TEX14: variants seen among roughly 807,000 people sequenced by gnomAD.
The protein encoded by TEX14 is inactive serine/threonine-protein kinase TEX14.
Under a neutral mutation model 178.6 loss-of-function variants are expected in TEX14, and 168 were observed. The observed-to-expected ratio is 0.94, with a 90% CI of 0.83 to 1.07. The LOEUF (loss-of-function observed/expected upper bound fraction) is 1.07. TEX14 is among the 50% of genes least tolerant of loss of function. TEX14 has a pLI of 0.00. For missense variants in TEX14, 1,730 were observed against 1,753.6 expected, an observed-to-expected ratio of 0.99 and a Z score of 0.24; for synonymous variants, 626 against 634.1, an observed-to-expected ratio of 0.99 and a Z score of 0.19.
rs373911350 is a variant in TEX14, at chr17:58,637,296, G to A, written c.137-6742C>T. 9.8e-4 allele frequency among the ~76,000 whole-genome samples: 150 copies of A among 152,326 alleles called. 2 individuals are homozygous for A. In the South Asian group the frequency reaches 0.027, roughly 27 times the overall value. On this transcript the variant is annotated intron_variant, in intron 2 of 31. Coordinates refer to ENST00000349033, the MANE Select transcript of TEX14 (RefSeq NM_031272.5). ...CTTCATGCCTGTTCCCTGACGTAGAGCTTCTAAAACTCTTTGAACCTCTGG... is the reference window on the plus strand; with the variant it reads ...CTTCATGCCTGTTCCCTGACGTAGAACTTCTAAAACTCTTTGAACCTCTGG...
chr17:58,645,958 TATA>T (rs1182847988), intron 2 of TEX14, among the ~76,000 whole-genome samples: 2 of 152,228 alleles, frequency 1.3e-5, no homozygotes, highest in Non-Finnish European at 2.9e-5. Flanking sequence ...CTAGATTATT[TATA>T]ATATCTAGTA....
At chr17:58,661,238 T>C (rs1307683873) in intron 1 of TEX14, 3 of 794,436 alleles carry the variant, frequency 3.8e-6, no homozygotes, top group East Asian at 2.4e-5. Flanking sequence ...GGCCACACGA[T>C]AGTAATGGCA....
chr17:58,616,127 C>T lies in TEX14; in HGVS notation c.767+48G>A, dbSNP rs375092902. The T allele has an allele frequency of 2.5e-6, 4 of 1,577,790 alleles. No individual in the cohort carries two copies. The African/African-American group carries it at 4.1e-5, about 16-fold the overall frequency. ...ATAAGGAAGTCACATGCAGCCCACT[C>T]TTCCCCTGAAACTGAATCAGACCTC... On this transcript the variant is annotated intron_variant, in intron 7 of 31. Coordinates refer to ENST00000349033, the MANE Select transcript of TEX14 (RefSeq NM_031272.5).
At chr17:58,640,496 T>C (rs941286055) in intron 2 of TEX14, among the ~76,000 whole-genome samples, 2 of 152,038 alleles carry the variant, frequency 1.3e-5, no homozygotes, top group African/African-American at 4.8e-5. Context: ...CCAGAGCTTA[T>C]TATCTTAACC....
At chr17:58,667,092 G>A (rs2047226922) in intron 1 of TEX14, among the ~76,000 whole-genome samples, 2 of 152,190 alleles carry the variant, frequency 1.3e-5, no homozygotes, top group Admixed American at 1.3e-4. Flanking sequence ...AAGGCCTTCG[G>A]ATCTCCCTGT....
rs944895852 is a variant in TEX14, at chr17:58,557,294, G to A, written c.4320-247C>T. On this transcript the variant is annotated intron_variant, in intron 31 of 31. Coordinates refer to ENST00000349033, the MANE Select transcript of TEX14 (RefSeq NM_031272.5). ...CCTGTTCTTTTTTTTTTTTTGAGACGGAGTCTTGCTCTTATCCCCCAGGTG... is the reference window on the plus strand; with the variant it reads ...CCTGTTCTTTTTTTTTTTTTGAGACAGAGTCTTGCTCTTATCCCCCAGGTG... Among the ~76,000 whole-genome samples, 40 of 148,998 alleles carry A rather than the reference G, an allele frequency of 2.7e-4. 1 individual carries two copies. Among genetic ancestry groups the A allele is most frequent in the South Asian group, 6.4e-4 (3 of 4,722 alleles).
chr17:58,605,703 A>G lies in TEX14; in HGVS notation c.1185-574T>C, dbSNP rs1056515878. ...AGCTTCTGCCAGGCATGCTCTGCCC[A>G]CAGATCCTAGAATGACTAGCTACTT... On this transcript the variant is annotated intron_variant, in intron 10 of 31. Coordinates refer to ENST00000349033, the MANE Select transcript of TEX14 (RefSeq NM_031272.5). 3.9e-5 allele frequency among the ~76,000 whole-genome samples: 6 copies of G among 152,316 alleles called. No homozygotes were observed. In the South Asian group the frequency reaches 1.2e-3, roughly 32 times the overall value.
At chr17:58,596,520 G>A (rs928884511) in intron 14 of TEX14, among the ~76,000 whole-genome samples, 3 of 152,028 alleles carry the variant, frequency 2.0e-5, no homozygotes, top group African/African-American at 4.8e-5. Flanking sequence ...GGGCTCAAGC[G>A]ATTAACCTGC....
In TEX14 at chr17:58,559,452, C is replaced by A. The variant is rs752772371; in HGVS notation, c.4267+1G>T. On this transcript the variant is annotated splice_donor_variant, in intron 30 of 31. Transcript: ENST00000349033. LOFTEE classifies it high-confidence loss of function. ...CATTATAAACATACATTAATTCATA[C>A]CTTCTTCAGAAGTCCCTAGAACACC... 1 of 1,282,000 alleles carries A rather than the reference C, an allele frequency of 7.8e-7. No individual in the cohort carries two copies. Among genetic ancestry groups the A allele is most frequent in the East Asian group, 2.3e-5 (1 of 42,994 alleles). 79.4% of individuals were successfully genotyped at this position (1,282,000 alleles called of 1,614,324 possible). A position where few individuals can be genotyped will look rare whatever the true frequency, so the allele number is the denominator to read the frequency against.
At chr17:58,665,915 C>T (rs1598429967) in intron 1 of TEX14, among the ~76,000 whole-genome samples, 1 of 151,574 alleles carries the variant, frequency 6.6e-6, no homozygotes, top group Non-Finnish European at 1.5e-5. Context: ...CGCGTGGTGG[C>T]GGGTGCCTGT....
chr17:58,613,466 G>A lies in TEX14; in HGVS notation c.960C>T (p.Tyr320=), dbSNP rs56283455. 2.6e-4 allele frequency: 412 copies of A among 1,613,986 alleles called. No homozygotes were observed. The highest frequency in any genetic ancestry group is 8.3e-4 in the Admixed American group (50 of 60,002). ...SQDLEKTRLV[Y]ERITIGTLFS... ...ACAATGTGCCGATAGTGATGCGCTC[G>A]TACACAAGGCGGGTTTTCTCTAGGT... The change falls in exon 9 of 32, where the codon TAC becomes TAT. Residue 320 remains tyrosine, a synonymous_variant. Transcript: ENST00000349033.
intron 13 of TEX14, among the ~76,000 whole-genome samples, chr17:58,600,460 C>T (rs1257104556): frequency 6.6e-6 from 1 of 151,350 alleles, no homozygotes; most frequent in Middle Eastern, 3.2e-3. Flanking sequence ...ACTTGGGAGG[C>T]TGAGGCAGGA....
At chr17:58,641,399 TAAAACAAAAC>T (rs1168726073) in intron 2 of TEX14, among the ~76,000 whole-genome samples, 2 of 151,796 alleles carry the variant, frequency 1.3e-5, no homozygotes, top group Non-Finnish European at 2.9e-5. Flanking sequence ...ACAAGACTCT[TAAAACAAAAC>T]AAAACAAAAC....
intron 2 of TEX14, chr17:58,631,601 A>T (rs190735064): frequency 1.3e-5 from 2 of 148,630 alleles, no homozygotes; most frequent in African/African-American, 4.8e-5. Context: ...ACATGAGGAA[A>T]CCAACTACTA....
At chr17:58,571,360 C>T (rs1034335402) in intron 24 of TEX14, among the ~76,000 whole-genome samples, 1 of 151,622 alleles carries the variant, frequency 6.6e-6, no homozygotes, top group African/African-American at 2.4e-5. Context: ...CTCAGCCTCC[C>T]GTGTAGCTGA....
intron 18 of TEX14, 65 bp downstream of exon 18, chr17:58,585,736 G>A (rs2044948136): frequency 1.3e-6 from 2 of 1,528,184 alleles, no homozygotes; most frequent in Non-Finnish European, 1.8e-6. Flanking sequence ...ATTACAGGCT[G>A]AGCCACCTCG....
At chr17:58,573,414 G>C (rs1349650963) in intron 22 of TEX14, 106 bp from the exon 23 acceptor site, 1 of 1,016,804 alleles carries the variant, frequency 9.8e-7, no homozygotes, top group Non-Finnish European at 1.5e-6. Flanking sequence ...AAATTTGTAT[G>C]TGGCAATAGG....
intron 1 of TEX14, among the ~76,000 whole-genome samples, chr17:58,659,872 G>GT: frequency 6.6e-6 from 1 of 151,600 alleles, no homozygotes; most frequent in Non-Finnish European, 1.5e-5. Flanking sequence ...AATTTTTGTA[G>GT]TTTTAGTAAA....
chr17:58,582,027 G>C (rs2044834131), intron 19 of TEX14, among the ~76,000 whole-genome samples: 1 of 152,118 alleles, frequency 6.6e-6, no homozygotes, highest in Non-Finnish European at 1.5e-5. Flanking sequence ...TCTAAATAAG[G>C]AGAAAGGCCC....
Sources: gnomAD v4.1 joint callset for allele counts (sites outside exome capture counted in the v4.1 genomes callset) on GRCh38, gnomAD v4.1.1 for gene constraint, MANE v1.5 for transcripts, NCBI Gene and HGNC (gene_info 2026-07-23, HGNC 2026-07-21) for gene names.